Variants in TRHDE observed in about 807,000 individuals in gnomAD.
The protein encoded by TRHDE is thyrotropin-releasing hormone-degrading ectoenzyme.
A neutral mutation model predicts 125.7 loss-of-function variants in TRHDE; 72 were observed. The observed-to-expected ratio is 0.57, with a 90% CI of 0.47 to 0.70. TRHDE has a LOEUF of 0.70. Ranked by LOEUF, TRHDE falls within the 30% of genes least tolerant of loss-of-function variation. The probability of loss-of-function intolerance (pLI) is 0.00; values close to 1 mark genes in which losing one functional copy is unlikely to be tolerated. For missense variants in TRHDE, 1,110 were observed against 1,327.1 expected (o/e 0.84, Z 2.54); for synonymous variants, 509 against 509.1 (o/e 1.00, Z 0.00).
upstream of TRHDE, among the ~76,000 whole-genome samples, chr12:72,271,549 C>A (rs1879210614): frequency 6.6e-6 from 1 of 152,058 alleles, no homozygotes. Context: ...TGTGACAGAG[C>A]GGAGAAAAGC....
chr12:72,383,031 A>C (rs902292237), intron 3 of TRHDE, among the ~76,000 whole-genome samples: 1 of 152,220 alleles, frequency 6.6e-6, no homozygotes, highest in South Asian at 2.1e-4. Context: ...ATAAGCCAAC[A>C]TAAGTAACCA....
Position 72,244,614 on chromosome 12 carries a change from T to C in TRHDE, n.280-133381T>C, listed in dbSNP as rs191878314. Among the ~76,000 whole-genome samples the C allele has an allele frequency of 9.2e-5, 14 of 152,150 alleles. No individual in the cohort carries two copies. The East Asian group carries it at 2.3e-3, about 25-fold the overall frequency. Reference sequence around the variant, plus strand: ...GTGATAATTCAATCCAGAAGAAACATTGCCATAATTAATGTCCCCATAAAA... The same window carrying C: ...GTGATAATTCAATCCAGAAGAAACACTGCCATAATTAATGTCCCCATAAAA... On this transcript the variant is annotated intron_variant and non_coding_transcript_variant, in intron 2 of 4. Coordinates refer to the TRHDE transcript ENST00000548156.
rs568877679 is a variant in TRHDE at position 72,285,862 on chromosome 12, A to G, written c.915-819A>G. On this transcript the variant is annotated intron_variant, in intron 1 of 18. Transcript: ENST00000261180. ...TATTTAATCTTTGTCTTCATTTGTA[A>G]CCATAAACCATGAAAGAATATAGAA... 7.2e-5 allele frequency among the ~76,000 whole-genome samples: 11 copies of G among 152,198 alleles called. No individual in the cohort carries two copies. The South Asian group carries it at 1.2e-3, about 17-fold the overall frequency.
Position 72,471,107 on chromosome 12 carries a change from A to C in TRHDE, c.1470+1195A>C, listed in dbSNP as rs982198339. 1.1e-4 allele frequency among the ~76,000 whole-genome samples: 17 copies of C among 151,880 alleles called. No homozygotes were observed. The South Asian group carries it at 1.9e-3, about 17-fold the overall frequency. ...GGCTAGGCTGGTCTCGAACTTCCTG[A>C]CCTCAGGTGATCCACCCCCCTCGAC... On this transcript the variant is annotated intron_variant, in intron 4 of 18. Transcript: ENST00000261180.
At chr12:72,559,074 A>T (rs1375088988) in intron 7 of TRHDE, among the ~76,000 whole-genome samples, 1 of 152,182 alleles carries the variant, frequency 6.6e-6, no homozygotes, top group African/African-American at 2.4e-5. Flanking sequence ...GGCAACTCGC[A>T]CAGTGTTAAA....
chr12:72,225,323 C>T (rs931786349), intron 2 of TRHDE, among the ~76,000 whole-genome samples: 7 of 152,096 alleles, frequency 4.6e-5, no homozygotes, highest in African/African-American at 1.7e-4. Context: ...CACCCTCTAA[C>T]CAAGTGAATT....
chr12:72,231,765 C>G (rs1318033873), intron 2 of TRHDE, among the ~76,000 whole-genome samples: 1 of 152,154 alleles, frequency 6.6e-6, no homozygotes, highest in Non-Finnish European at 1.5e-5. Context: ...GGAAGCACCA[C>G]TTCAGAGTTA....
intron 3 of TRHDE, among the ~76,000 whole-genome samples, chr12:72,395,632 T>C (rs1555182827): frequency 6.6e-6 from 1 of 152,126 alleles, no homozygotes; most frequent in Non-Finnish European, 1.5e-5. Context: ...ATTCCTTTGC[T>C]TTCATCTTCA....
chr12:72,438,113 T>C (rs758069471), intron 3 of TRHDE, among the ~76,000 whole-genome samples: 1 of 151,884 alleles, frequency 6.6e-6, no homozygotes, highest in Non-Finnish European at 1.5e-5. Context: ...AGGCTTTTCT[T>C]CTTTTATACG....
intron 2 of TRHDE, among the ~76,000 whole-genome samples, chr12:72,323,485 A>G (rs1283847237): frequency 6.6e-6 from 1 of 152,120 alleles, no homozygotes; most frequent in Non-Finnish European, 1.5e-5. Flanking sequence ...TCCTTCCCAC[A>G]ACTCCATTTA....
At chr12:72,097,141 G>A (rs1566211975) in intron 1 of TRHDE, among the ~76,000 whole-genome samples, 2 of 152,180 alleles carry the variant, frequency 1.3e-5, no homozygotes, top group Admixed American at 1.3e-4. Flanking sequence ...AAAGATAAAT[G>A]GATGCCAGGT....
chr12:72,225,600 A>T (rs1389351327), intron 2 of TRHDE, among the ~76,000 whole-genome samples: 1 of 152,200 alleles, frequency 6.6e-6, no homozygotes, highest in East Asian at 1.9e-4. Flanking sequence ...CCTTGTATAA[A>T]AGGTGAGTTA....
At chr12:72,285,522 CTTT>C (rs370394091) in intron 1 of TRHDE, among the ~76,000 whole-genome samples, 13 of 131,422 alleles carry the variant, frequency 9.9e-5, no homozygotes, top group Non-Finnish European at 1.7e-4. Flanking sequence ...TTTTTTTCTT[CTTT>C]TTTTTTTTTT....
rs576816821 is a variant in TRHDE, at chr12:72,531,556, C to CT, written c.1723-10728dup. On this transcript the variant is annotated intron_variant, in intron 6 of 18. Coordinates refer to ENST00000261180, the MANE Select transcript of TRHDE (RefSeq NM_013381.3). ...TTTATCCCAAATTCATAAAGATGTGCTTTTTTTCATTTTCTCCTAATATTT... is the reference window on the plus strand; with the variant it reads ...TTTATCCCAAATTCATAAAGATGTGCTTTTTTTTCATTTTCTCCTAATATTT... 8.6e-5 allele frequency among the ~76,000 whole-genome samples: 13 copies of CT among 151,964 alleles called. 1 individual carries two copies. The South Asian group carries it at 1.0e-3, about 12-fold the overall frequency.
intron 6 of TRHDE, among the ~76,000 whole-genome samples, chr12:72,531,287 A>T: frequency 6.6e-6 from 1 of 151,932 alleles, no homozygotes; most frequent in East Asian, 1.9e-4. Context: ...ATTTATATCC[A>T]TTGCCCATTT....
intron 2 of TRHDE, among the ~76,000 whole-genome samples, chr12:72,238,667 G>C (rs969139637): frequency 1.3e-5 from 2 of 151,786 alleles, no homozygotes; most frequent in African/African-American, 2.4e-5. Context: ...TTTTGTGATA[G>C]TTTGCTAAGA....
intron 12 of TRHDE, among the ~76,000 whole-genome samples, chr12:72,586,250 G>C (rs538501324): frequency 1.5e-4 from 23 of 152,272 alleles, no homozygotes; most frequent in African/African-American, 5.1e-4. Flanking sequence ...ATTTGGGGAA[G>C]AAGATAAAGG....
At chr12:72,562,054 C>T in intron 7 of TRHDE, 111 bp from the exon 8 acceptor site, 11 of 518,054 alleles carry the variant, frequency 2.1e-5, no homozygotes, top group Admixed American at 7.2e-5. Context: ...TTTTTATGTC[C>T]TTTTTTATTA....
At chr12:72,464,152 T>A (rs1023013601) in intron 3 of TRHDE, among the ~76,000 whole-genome samples, 3 of 152,174 alleles carry the variant, frequency 2.0e-5, no homozygotes, top group African/African-American at 7.2e-5. Context: ...TACTACAAGA[T>A]GCTTAGATAT....
Sources: gnomAD v4.1 joint callset for allele counts (sites outside exome capture counted in the v4.1 genomes callset) on GRCh38, gnomAD v4.1.1 for gene constraint, MANE v1.5 for transcripts, NCBI Gene and HGNC (gene_info 2026-07-23, HGNC 2026-07-21) for gene names.